The following BCAS4 variants were observed in gnomAD, a reference collection of about 807,000 sequenced individuals.
The protein encoded by BCAS4 is breast carcinoma-amplified sequence 4.
A neutral mutation model predicts 15.7 loss-of-function variants in BCAS4; 9 were observed. The observed-to-expected ratio is 0.57, with a 90% CI of 0.34 to 1.00. The LOEUF (loss-of-function observed/expected upper bound fraction) is 1.00. Among genes scored for constraint, BCAS4 ranks in the 50% least tolerant of loss-of-function variants. The probability of loss-of-function intolerance (pLI) is 0.02; values close to 1 mark genes in which losing one functional copy is unlikely to be tolerated. For synonymous variants in BCAS4, 101 were observed against 99.5 expected, an observed-to-expected ratio of 1.02 and a Z score of -0.09; for missense variants, 225 against 239.1, an observed-to-expected ratio of 0.94 and a Z score of 0.39.
intron 1 of BCAS4, among the ~76,000 whole-genome samples, chr20:50,806,094 G>A (rs1269814183): frequency 1.3e-5 from 2 of 152,166 alleles, no homozygotes; most frequent in Non-Finnish European, 2.9e-5. Flanking sequence ...TGAGTTTGGA[G>A]AGCCTAGTAG....
At chr20:50,808,477 A>T (rs1600849355) in intron 1 of BCAS4, among the ~76,000 whole-genome samples, 1 of 152,214 alleles carries the variant, frequency 6.6e-6, no homozygotes, top group African/African-American at 2.4e-5. Context: ...TCCCACTAAC[A>T]GTGTAAAAGT....
At chr20:50,803,802 A>C (rs1424824358) in intron 1 of BCAS4, among the ~76,000 whole-genome samples, 3 of 99,796 alleles carry the variant, frequency 3.0e-5, no homozygotes, top group East Asian at 4.8e-4. Flanking sequence ...CTAGACTCCC[A>C]AAAAAAAAAA....
At chr20:50,799,285 G>A (rs563729204) in intron 1 of BCAS4, among the ~76,000 whole-genome samples, 2 of 152,298 alleles carry the variant, frequency 1.3e-5, no homozygotes, top group African/African-American at 4.8e-5. Context: ...GTTTGCTTAT[G>A]CTCATTTGTA....
intron 1 of BCAS4, among the ~76,000 whole-genome samples, chr20:50,804,231 G>A (rs1171055904): frequency 6.6e-6 from 1 of 152,092 alleles, no homozygotes; most frequent in Non-Finnish European, 1.5e-5. Flanking sequence ...TAGAGGCGGG[G>A]TTTCACCATG....
chr20:50,873,134 A>T (rs1213454260), intron 4 of BCAS4, among the ~76,000 whole-genome samples: 5 of 152,222 alleles, frequency 3.3e-5, no homozygotes, highest in Non-Finnish European at 7.3e-5. Flanking sequence ...TCCAGGCCTA[A>T]AGACGCCATC....
At chr20:50,876,246 T>G (rs533629539) in intron 4 of BCAS4, among the ~76,000 whole-genome samples, 1 of 152,174 alleles carries the variant, frequency 6.6e-6, no homozygotes, top group East Asian at 1.9e-4. Flanking sequence ...CCACTGCGCC[T>G]GGGCTGCCTG....
At chr20:50,863,950 C>T (rs1236984851) in intron 4 of BCAS4, among the ~76,000 whole-genome samples, 4 of 152,202 alleles carry the variant, frequency 2.6e-5, no homozygotes, top group African/African-American at 7.2e-5. Flanking sequence ...CTCATGTGCC[C>T]CCCCAAATTC....
chr20:50,817,402 A>G (rs904402297), intron 1 of BCAS4, among the ~76,000 whole-genome samples: 2 of 152,236 alleles, frequency 1.3e-5, no homozygotes, highest in African/African-American at 4.8e-5. Flanking sequence ...TTTTTTAAGT[A>G]TAAGCACATC....
chr20:50,872,806 C>T (rs1335726306), intron 4 of BCAS4, among the ~76,000 whole-genome samples: 13 of 152,226 alleles, frequency 8.5e-5, no homozygotes, highest in Admixed American at 7.2e-4. Flanking sequence ...TCCAGCGTGT[C>T]CTCCAAGGTG....
chr20:50,797,450 C>T (rs543848695), intron 1 of BCAS4, among the ~76,000 whole-genome samples: 4 of 152,108 alleles, frequency 2.6e-5, no homozygotes, highest in African/African-American at 4.8e-5. Flanking sequence ...ATTCCAGCGA[C>T]TTAGGAAGCT....
intron 4 of BCAS4, among the ~76,000 whole-genome samples, chr20:50,875,613 A>G (rs6091228): frequency 0.086 from 12,978 of 150,894 alleles, 1,525 homozygotes; most frequent in African/African-American, 0.26. Context: ...AAAAAAAAAA[A>G]AAAAAAAAAG....
intron 2 of BCAS4, among the ~76,000 whole-genome samples, chr20:50,830,035 G>A (rs1286604444): frequency 6.6e-6 from 1 of 152,212 alleles, no homozygotes. Flanking sequence ...GTTGCTGGGT[G>A]GTTGGTGGGA....
intron 4 of BCAS4, among the ~76,000 whole-genome samples, chr20:50,858,985 G>T (rs1343052065): frequency 6.6e-6 from 1 of 151,560 alleles, no homozygotes; most frequent in Non-Finnish European, 1.5e-5. Context: ...CCAGGCTGGA[G>T]TGCAGTGGTG....
chr20:50,880,517 G>A (rs1382367664), downstream of BCAS4: 1 of 152,202 alleles, frequency 6.6e-6, no homozygotes, highest in Non-Finnish European at 1.5e-5. Context: ...ACGGGGTTTT[G>A]CTATGTTGTC....
At chr20:50,864,390 A>T (rs1328244126) in intron 4 of BCAS4, among the ~76,000 whole-genome samples, 1 of 152,012 alleles carries the variant, frequency 6.6e-6, no homozygotes, top group Non-Finnish European at 1.5e-5. Flanking sequence ...GTGATCATCA[A>T]GATAGAGTAA....
At chr20:50,813,940 AG>A (rs1294355858) in intron 1 of BCAS4, among the ~76,000 whole-genome samples, 2 of 151,950 alleles carry the variant, frequency 1.3e-5, no homozygotes, top group African/African-American at 4.8e-5. Flanking sequence ...GTTTATGCCC[AG>A]GGGGTTGCGA....
At chr20:50,880,041 A>C (rs1021668516), downstream of BCAS4, 2 of 152,346 alleles carry the variant, frequency 1.3e-5, no homozygotes, top group South Asian at 2.1e-4. Context: ...CGAGGGCCTG[A>C]ACAGCGAGTG....
chr20:50,847,100 G>A (rs899525495), intron 4 of BCAS4, among the ~76,000 whole-genome samples: 2 of 152,004 alleles, frequency 1.3e-5, no homozygotes, highest in African/African-American at 2.4e-5. Context: ...GAGGGATTCC[G>A]AGCATGGAGC....
chr20:50,864,290 G>A (rs577601876), intron 4 of BCAS4, among the ~76,000 whole-genome samples: 5 of 152,270 alleles, frequency 3.3e-5, no homozygotes, highest in Non-Finnish European at 5.9e-5. Context: ...GCATCACGCC[G>A]GGGAGTGAGT....
Sources: gnomAD v4.1 joint callset for allele counts (sites outside exome capture counted in the v4.1 genomes callset) on GRCh38, gnomAD v4.1.1 for gene constraint, MANE v1.5 for transcripts, NCBI Gene and HGNC (gene_info 2026-07-23, HGNC 2026-07-21) for gene names.